Variants in COL21A1 observed in about 807,000 individuals in gnomAD.
The protein encoded by COL21A1 is collagen type XXI alpha 1 chain.
Under a neutral mutation model 137.9 loss-of-function variants are expected in COL21A1, and 149 were observed. The observed-to-expected ratio is 1.08, with a 90% CI of 0.95 to 1.24. COL21A1 has a LOEUF of 1.24. Among genes scored for constraint, COL21A1 ranks in the 50% most tolerant of loss-of-function variants. COL21A1 has a pLI of 0.00. For missense variants in COL21A1, 1,167 were observed against 1,158.4 expected, an observed-to-expected ratio of 1.01 and a Z score of -0.11; for synonymous variants, 456 against 391.5, an observed-to-expected ratio of 1.16 and a Z score of -1.95.
intron 16 of COL21A1, among the ~76,000 whole-genome samples, chr6:56,116,396 T>TAAAAAAAAAAAAAAA: frequency 1.1e-5 from 1 of 90,834 alleles, no homozygotes; most frequent in Non-Finnish European, 2.1e-5. Context: ...GTGCCAAAGG[T>TAAAAAAAAAAAAAAA]AAAAAAAAAA....
chr6:56,364,563 G>A (rs1157440506), intron 1 of COL21A1, among the ~76,000 whole-genome samples: 2 of 152,164 alleles, frequency 1.3e-5, no homozygotes, highest in Non-Finnish European at 2.9e-5. Context: ...CAGGCAGCTG[G>A]TGAAAGGGGC....
intron 1 of COL21A1, among the ~76,000 whole-genome samples, chr6:56,350,705 T>C (rs1039814374): frequency 6.6e-6 from 1 of 152,214 alleles, no homozygotes; most frequent in African/African-American, 2.4e-5. Context: ...TTGCCCGATG[T>C]GTACCAGAAT....
In COL21A1 at chr6:56,390,113, CACA is replaced by C. The variant is rs573780766; in HGVS notation, c.-39+3855_-39+3857del. On this transcript the variant is annotated intron_variant, in intron 1 of 28. Coordinates refer to the COL21A1 transcript ENST00000370819. ...GAAGACAAAACAATCAAAGAATAAC[CACA>C]ACAACTTTTTACGAGATAGACAATA... is the stretch of plus-strand genomic sequence containing the variant. Among the ~76,000 whole-genome samples, 437 of 151,990 alleles carry C rather than the reference CACA, an allele frequency of 2.9e-3. 2 individuals are homozygous for C. The highest frequency in any genetic ancestry group is 9.1e-3 in the African/African-American group (378 of 41,458).
intron 16 of COL21A1, among the ~76,000 whole-genome samples, chr6:56,116,383 T>TA (rs1771920385): frequency 7.8e-6 from 1 of 128,096 alleles, no homozygotes; most frequent in Non-Finnish European, 1.6e-5. Context: ...TGACATTTTT[T>TA]AAGTGCCAAA....
rs764172017 is a variant in COL21A1, at chr6:56,060,218, G to C, written c.2408C>G (p.Ala803Gly). The C allele has an allele frequency of 1.8e-5, 28 of 1,588,488 alleles. No individual in the cohort carries two copies. The highest frequency in any genetic ancestry group is 1.9e-5 in the Non-Finnish European group (22 of 1,170,438). ...ACTCTGAAGTAAGACTGGTAGCTGG[G>C]CTTTCAAAAACAAAGAAACCCCATC... ...IRQVCTDVIR[A>G]QLPVLLQSGR... is the part of the protein sequence containing the mutation. Residue 803 changes from alanine to glycine, a missense_variant and splice_region_variant, in exon 28 of 30, where the codon GCC becomes GGC. Transcript: ENST00000244728.
chr6:56,317,082 G>C (rs1160691079), intron 1 of COL21A1, among the ~76,000 whole-genome samples: 2 of 152,078 alleles, frequency 1.3e-5, no homozygotes, highest in East Asian at 1.9e-4. Context: ...TTCTGTTCCA[G>C]GTAAGCGGAT....
intron 5 of COL21A1, 101 bp from the exon 6 acceptor site, chr6:56,168,398 C>G (rs1776764587): frequency 1.1e-6 from 1 of 941,140 alleles, no homozygotes; most frequent in African/African-American, 1.6e-5. Flanking sequence ...TGAGAAACTT[C>G]ATCCCACACA....
At chr6:56,226,941 T>TA (rs1486638740) in intron 1 of COL21A1, among the ~76,000 whole-genome samples, 1 of 151,944 alleles carries the variant, frequency 6.6e-6, no homozygotes, top group Admixed American at 6.6e-5. Flanking sequence ...ATGGCTCGTA[T>TA]AGGGGGAGCC....
At chr6:56,118,065 G>A (rs9475565) in intron 16 of COL21A1, among the ~76,000 whole-genome samples, 106 of 151,310 alleles carry the variant, frequency 7.0e-4, no homozygotes, top group African/African-American at 2.4e-3. Context: ...ATTAGTAGAA[G>A]AAAAGAAATA....
At chr6:56,198,388 C>A (rs764125465) in intron 1 of COL21A1, among the ~76,000 whole-genome samples, 29 of 151,954 alleles carry the variant, frequency 1.9e-4, no homozygotes, top group South Asian at 8.3e-4. Context: ...AAAATGATAC[C>A]TAGTGAGGTA....
chr6:56,152,150 T>A (rs1047473579), intron 10 of COL21A1, among the ~76,000 whole-genome samples: 1 of 152,178 alleles, frequency 6.6e-6, no homozygotes, highest in Non-Finnish European at 1.5e-5. Flanking sequence ...GACTGCATTC[T>A]TTCTGGAGGC....
At chr6:56,311,702 C>T (rs578158826) in intron 1 of COL21A1, among the ~76,000 whole-genome samples, 1 of 152,296 alleles carries the variant, frequency 6.6e-6, no homozygotes, top group South Asian at 2.1e-4. Context: ...ACTTTAAATA[C>T]TTGCCCTGGA....
intron 1 of COL21A1, among the ~76,000 whole-genome samples, chr6:56,227,045 TTTCTCAATAAG>T (rs1400938944): frequency 2.0e-5 from 3 of 151,908 alleles, no homozygotes; most frequent in Non-Finnish European, 4.4e-5. Flanking sequence ...AGAGAGCAAC[TTTCTCAATAAG>T]TAAAAGCAGG....
chr6:56,215,765 T>G (rs1057407271), intron 1 of COL21A1, among the ~76,000 whole-genome samples: 1 of 152,112 alleles, frequency 6.6e-6, no homozygotes, highest in Non-Finnish European at 1.5e-5. Context: ...CCTTTAAATT[T>G]TTTAACAGCA....
intron 1 of COL21A1, among the ~76,000 whole-genome samples, chr6:56,298,032 G>T (rs1764199693): frequency 6.6e-6 from 1 of 151,764 alleles, no homozygotes; most frequent in Non-Finnish European, 1.5e-5. Context: ...TTGTGTCAGT[G>T]TGAGCAAGCT....
At chr6:56,114,545 T>G (rs949637593) in intron 16 of COL21A1, among the ~76,000 whole-genome samples, 3 of 152,154 alleles carry the variant, frequency 2.0e-5, no homozygotes, top group African/African-American at 7.2e-5. Flanking sequence ...AAGAAGACAT[T>G]TATGCAACCA....
At chr6:56,318,910 C>CA (rs1554182551) in intron 1 of COL21A1, among the ~76,000 whole-genome samples, 1 of 151,364 alleles carries the variant, frequency 6.6e-6, no homozygotes, top group Non-Finnish European at 1.5e-5. Context: ...CCTTCCTACC[C>CA]CACCTCCCCC....
intron 1 of COL21A1, among the ~76,000 whole-genome samples, chr6:56,272,863 A>T (rs1220659474): frequency 6.6e-6 from 1 of 152,184 alleles, no homozygotes; most frequent in Non-Finnish European, 1.5e-5. Flanking sequence ...CCCAAGCCAT[A>T]TGGAACTGTG....
At chr6:56,262,192 T>C (rs868630609) in intron 1 of COL21A1, among the ~76,000 whole-genome samples, 20 of 152,160 alleles carry the variant, frequency 1.3e-4, no homozygotes, top group African/African-American at 4.1e-4. Context: ...AAATCCCACA[T>C]CTGCAAAATC....
Sources: allele counts gnomAD v4.1 joint callset (sites outside exome capture counted in the v4.1 genomes callset), GRCh38; gene constraint gnomAD v4.1.1; transcripts MANE v1.5; gene names NCBI Gene and HGNC (gene_info 2026-07-23, HGNC 2026-07-21).